PEBP4: variants seen among roughly 807,000 people sequenced by gnomAD.
PEBP4 encodes the protein phosphatidylethanolamine binding protein 4.
A neutral mutation model predicts 23.9 loss-of-function variants in PEBP4; 22 were observed. The observed-to-expected ratio is 0.92, with a 90% CI of 0.66 to 1.31. The LOEUF (loss-of-function observed/expected upper bound fraction) is 1.31, where lower values mean the gene tolerates loss of function less well. Ranked by LOEUF, PEBP4 falls within the 40% of genes most tolerant of loss-of-function variation. The pLI is 0.00. For missense variants in PEBP4, 324 were observed against 281.7 expected (o/e 1.15, Z -1.07); for synonymous variants, 112 against 99.3 (o/e 1.13, Z -0.76).
chr8:22,817,657 A>G lies in PEBP4; in HGVS notation c.337T>C (p.Trp113Arg), dbSNP rs1286808439. 2 of 1,614,026 alleles carry G rather than the reference A, an allele frequency of 1.2e-6. No individual in the cohort carries two copies. Among genetic ancestry groups the G allele is most frequent in the Non-Finnish European group, 1.7e-6 (2 of 1,179,992 alleles). Residue 113 changes from tryptophan to arginine, a missense_variant, in exon 4 of 7, where the codon TGG (tryptophan) becomes CGG (arginine). Coordinates refer to ENST00000256404, the MANE Select transcript of PEBP4 (RefSeq NM_144962.3). The part of the protein sequence containing the change: ...AEPRQRFWRH[W>R]LVTDIKGADL... The stretch of plus-strand genomic sequence containing the variant: ...CTTACCTTGATATCTGTTACCAGCC[A>G]ATGTCTCCAGAATCTCTGTCTGGGT...
chr8:22,913,548 C>T (rs944597564), intron 3 of PEBP4, among the ~76,000 whole-genome samples: 5 of 152,106 alleles, frequency 3.3e-5, no homozygotes, highest in Non-Finnish European at 7.4e-5. Flanking sequence ...CCAGCCCCTG[C>T]GGCCACACCT....
chr8:22,764,404 G>T (rs1805569675), intron 4 of PEBP4, among the ~76,000 whole-genome samples: 3 of 152,132 alleles, frequency 2.0e-5, no homozygotes, highest in Non-Finnish European at 4.4e-5. Context: ...GTGAGCTGCT[G>T]ACCTGTGAAC....
chr8:22,727,456 G>C lies in PEBP4; in HGVS notation c.358-236C>G, dbSNP rs183098893. Among the ~76,000 whole-genome samples, 19 of 152,240 alleles carry C rather than the reference G, an allele frequency of 1.2e-4. No homozygotes were observed. The East Asian group carries it at 3.1e-3, about 25-fold the overall frequency. The stretch of plus-strand genomic sequence containing the variant: ...GGGTACCTCAGGGGATCCAGGGAAA[G>C]AGGACAGACACACGTATTGCTGAGG... On this transcript the variant is annotated intron_variant, in intron 4 of 6. Transcript: ENST00000256404.
chr8:22,781,653 G>A (rs1183891447), intron 4 of PEBP4, among the ~76,000 whole-genome samples: 1 of 152,114 alleles, frequency 6.6e-6, no homozygotes, highest in Non-Finnish European at 1.5e-5. Context: ...TGCCTCAGTT[G>A]GCTATGTCAT....
intron 4 of PEBP4, among the ~76,000 whole-genome samples, chr8:22,759,537 G>A (rs1356571330): frequency 1.3e-5 from 2 of 152,004 alleles, no homozygotes; most frequent in African/African-American, 4.8e-5. Context: ...TCCGTCTCAG[G>A]GCTGCGGGGC....
chr8:22,813,992 G>A (rs1996148), intron 4 of PEBP4, among the ~76,000 whole-genome samples: 49,017 of 152,028 alleles, frequency 0.32, 8,022 homozygotes, highest in East Asian at 0.45. Flanking sequence ...TTTTGTTTGC[G>A]TTTGTGTCAC....
chr8:22,785,152 G>A (rs571072427), intron 4 of PEBP4, among the ~76,000 whole-genome samples: 4 of 152,172 alleles, frequency 2.6e-5, no homozygotes, highest in Non-Finnish European at 5.9e-5. Flanking sequence ...ACAGACCCAC[G>A]GGGGCCCGGC....
chr8:22,716,130 A>T (rs546805799), intron 6 of PEBP4, among the ~76,000 whole-genome samples: 1 of 152,212 alleles, frequency 6.6e-6, no homozygotes, highest in South Asian at 2.1e-4. Context: ...AGAAAGGAGG[A>T]GGAAGCTGTC....
chr8:22,722,928 A>G (rs1804548094), intron 6 of PEBP4, among the ~76,000 whole-genome samples: 1 of 145,816 alleles, frequency 6.9e-6, no homozygotes. Flanking sequence ...GCCCACCGCC[A>G]CGCTGGGCTA....
intron 3 of PEBP4, among the ~76,000 whole-genome samples, chr8:22,821,786 C>G (rs1806862722): frequency 6.6e-6 from 1 of 151,846 alleles, no homozygotes; most frequent in Non-Finnish European, 1.5e-5. Context: ...GAGATTGAGA[C>G]CATCCTGGCT....
In PEBP4 at chr8:22,730,602, G is replaced by A. The variant is rs117900710; in HGVS notation, c.358-3382C>T. Among the ~76,000 whole-genome samples the A allele has an allele frequency of 4.3e-3, 658 of 152,278 alleles. 16 individuals carry two copies. The East Asian group carries it at 0.052, about 12-fold the overall frequency. On this transcript the variant is annotated intron_variant, in intron 4 of 6. Coordinates refer to ENST00000256404, the MANE Select transcript of PEBP4 (RefSeq NM_144962.3). ...TCACCCTAGAAAGCTGAAACTGCCC[G>A]GGGATGGATGAGATTCAAGGAAGTT...
intron 4 of PEBP4, among the ~76,000 whole-genome samples, chr8:22,730,413 T>C (rs1473261179): frequency 6.6e-6 from 1 of 152,218 alleles, no homozygotes; most frequent in African/African-American, 2.4e-5. Flanking sequence ...TGATGGCCCA[T>C]GCCTGTAGTC....
intron 3 of PEBP4, among the ~76,000 whole-genome samples, chr8:22,893,359 A>ACAT (rs1337762225): frequency 6.6e-6 from 1 of 152,244 alleles, no homozygotes; most frequent in African/African-American, 2.4e-5. Flanking sequence ...GATTATAATG[A>ACAT]CATTTCACAC....
intron 4 of PEBP4, among the ~76,000 whole-genome samples, chr8:22,793,561 G>A (rs1280427043): frequency 1.3e-5 from 2 of 151,508 alleles, no homozygotes; most frequent in East Asian, 1.9e-4. Flanking sequence ...GATTATAGAC[G>A]TGAGCCATCA....
intron 4 of PEBP4, among the ~76,000 whole-genome samples, chr8:22,778,761 G>A (rs2128754958): frequency 6.6e-6 from 1 of 152,280 alleles, no homozygotes; most frequent in South Asian, 2.1e-4. Flanking sequence ...CTCCCGGATG[G>A]CTCCCCAGCC....
At chr8:22,866,481 T>G (rs1807905244) in intron 3 of PEBP4, among the ~76,000 whole-genome samples, 2 of 152,216 alleles carry the variant, frequency 1.3e-5, no homozygotes, top group South Asian at 2.1e-4. Context: ...CACACTGTTC[T>G]AAACACGGAA....
intron 3 of PEBP4, among the ~76,000 whole-genome samples, chr8:22,834,158 A>G (rs904845783): frequency 7.2e-5 from 11 of 152,124 alleles, no homozygotes; most frequent in African/African-American, 2.7e-4. Context: ...CTGCGCTCCC[A>G]CTATTCGTGA....
chr8:22,799,288 T>C (rs1388338077), intron 4 of PEBP4, among the ~76,000 whole-genome samples: 1 of 152,236 alleles, frequency 6.6e-6, no homozygotes, highest in Non-Finnish European at 1.5e-5. Flanking sequence ...AGTCCAGTGT[T>C]GTTTACTGTT....
At chr8:22,882,360 C>T (rs1447007949) in intron 3 of PEBP4, among the ~76,000 whole-genome samples, 1 of 152,220 alleles carries the variant, frequency 6.6e-6, no homozygotes, top group African/African-American at 2.4e-5. Context: ...CAGCCCTGCA[C>T]TGAGCAGAGG....
Sources: allele counts gnomAD v4.1 joint callset (sites outside exome capture counted in the v4.1 genomes callset), GRCh38; gene constraint gnomAD v4.1.1; transcripts MANE v1.5; gene names NCBI Gene and HGNC (gene_info 2026-07-23, HGNC 2026-07-21).